BCL2: variants seen among roughly 807,000 people sequenced by gnomAD.
The protein encoded by BCL2 is apoptosis regulator Bcl-2.
In BCL2, 1 loss-of-function variant was observed where a neutral mutation model predicts 14.2. The observed-to-expected ratio is 0.07, with a 90% CI of 0.02 to 0.33. BCL2 has a LOEUF of 0.33. BCL2 is among the 10% of genes least tolerant of loss of function. The pLI, the probability that BCL2 is intolerant of heterozygous loss-of-function variation, is 0.99. For missense variants in BCL2, 247 were observed against 305.9 expected, an observed-to-expected ratio of 0.81 and a Z score of 1.44; for synonymous variants, 151 against 137.2, an observed-to-expected ratio of 1.10 and a Z score of -0.70.
intron 2 of BCL2, among the ~76,000 whole-genome samples, chr18:63,305,183 A>G (rs934992104): frequency 6.6e-6 from 1 of 152,262 alleles, no homozygotes; most frequent in African/African-American, 2.4e-5. Context: ...AAGAAGGGAA[A>G]GTAACCAGAA....
chr18:63,313,716 C>T (rs1599308132), intron 2 of BCL2: 3 of 152,310 alleles, frequency 2.0e-5, no homozygotes, highest in East Asian at 1.9e-4. Flanking sequence ...ACATGCAGCA[C>T]CCACACACTC....
intron 2 of BCL2, among the ~76,000 whole-genome samples, chr18:63,246,244 C>T (rs984116059): frequency 3.3e-5 from 5 of 152,144 alleles, no homozygotes; most frequent in African/African-American, 1.2e-4. Context: ...TTTGTTCTTC[C>T]TTCTGTCTCC....
intron 2 of BCL2, among the ~76,000 whole-genome samples, chr18:63,262,076 A>G (rs1338574273): frequency 1.7e-5 from 2 of 119,552 alleles, no homozygotes; most frequent in Non-Finnish European, 3.9e-5. Context: ...CACTGCGCCC[A>G]GCCAATTTTT....
chr18:63,185,379 G>T (rs1163500194), intron 2 of BCL2, among the ~76,000 whole-genome samples: 4 of 152,212 alleles, frequency 2.6e-5, no homozygotes, highest in African/African-American at 7.2e-5. Flanking sequence ...GGTGAGTGGG[G>T]TAGGAACAAA....
intron 2 of BCL2, among the ~76,000 whole-genome samples, chr18:63,228,410 C>T (rs1910604103): frequency 1.3e-5 from 2 of 152,298 alleles, no homozygotes; most frequent in South Asian, 2.1e-4. Flanking sequence ...TGATATAGAA[C>T]AGCATAACTT....
At chr18:63,313,026 C>A (rs1452583484) in intron 2 of BCL2, among the ~76,000 whole-genome samples, 2 of 152,204 alleles carry the variant, frequency 1.3e-5, no homozygotes, top group African/African-American at 4.8e-5. Context: ...CTAATGCACA[C>A]ATGAACAGCC....
intron 2 of BCL2, among the ~76,000 whole-genome samples, chr18:63,231,513 G>T (rs1171140991): frequency 6.6e-6 from 1 of 151,992 alleles, no homozygotes; most frequent in Non-Finnish European, 1.5e-5. Flanking sequence ...GGACGCTGGA[G>T]ACAAGATTAA....
At chr18:63,180,113 C>T (rs1299267261) in intron 2 of BCL2, among the ~76,000 whole-genome samples, 1 of 152,206 alleles carries the variant, frequency 6.6e-6, no homozygotes, top group East Asian at 1.9e-4. Flanking sequence ...CGGCATCATT[C>T]CTTCTTCCCT....
chr18:63,291,019 T>C (rs539343996), intron 2 of BCL2, among the ~76,000 whole-genome samples: 1 of 152,158 alleles, frequency 6.6e-6, no homozygotes, highest in African/African-American at 2.4e-5. Context: ...CAAACCTTCC[T>C]ACCTTAGCAT....
intron 2 of BCL2, among the ~76,000 whole-genome samples, chr18:63,277,800 C>T (rs1568255597): frequency 6.6e-6 from 1 of 152,000 alleles, no homozygotes; most frequent in African/African-American, 2.4e-5. Context: ...GAGAAAATGG[C>T]CAATGAAAAG....
At chr18:63,188,516 T>C (rs1251977450) in intron 2 of BCL2, among the ~76,000 whole-genome samples, 6 of 152,184 alleles carry the variant, frequency 3.9e-5, no homozygotes, top group African/African-American at 1.4e-4. Context: ...GACCCTAAAC[T>C]GAATTGGAGT....
At chr18:63,132,197 G>T (rs1445596144) in intron 2 of BCL2, among the ~76,000 whole-genome samples, 1 of 152,168 alleles carries the variant, frequency 6.6e-6, no homozygotes, top group Non-Finnish European at 1.5e-5. Flanking sequence ...ATAACCTTCA[G>T]CAGATAACCC....
rs117640948 is a variant in BCL2, at chr18:63,126,288, C to T, written c.*2337G>A. ...TAAGCACCACTGCATTTCAGGAAGACCCTGAAGGACAGCCATGAGAAAGCC... is the reference window on the plus strand; with the variant it reads ...TAAGCACCACTGCATTTCAGGAAGATCCTGAAGGACAGCCATGAGAAAGCC... On this transcript the variant is annotated 3_prime_UTR_variant, in exon 3 of 3. Transcript: ENST00000333681. 5.2e-3 allele frequency: 1,152 copies of T among 221,480 alleles called. 7 individuals are homozygous for T. Among genetic ancestry groups the T allele is most frequent in the Admixed American group, 0.011 (185 of 17,368 alleles). 13.7% of individuals were successfully genotyped at this position (221,480 alleles called of 1,614,324 possible). A position where few individuals can be genotyped will look rare whatever the true frequency, so the allele number is the denominator to read the frequency against.
chr18:63,130,997 G>C (rs1364490296), intron 2 of BCL2, among the ~76,000 whole-genome samples: 1 of 152,044 alleles, frequency 6.6e-6, no homozygotes, highest in Non-Finnish European at 1.5e-5. Flanking sequence ...GGCAATGTTT[G>C]GAAGCATTTT....
chr18:63,305,557 A>AT (rs201938182), intron 2 of BCL2, among the ~76,000 whole-genome samples: 60 of 151,728 alleles, frequency 4.0e-4, no homozygotes, highest in African/African-American at 1.4e-3. Context: ...CAGATATGGA[A>AT]TTTTTTTTTA....
Position 63,318,180 on chromosome 18 carries a change from T to C in BCL2, c.487A>G (p.Asn163Asp). 1 of 1,614,154 alleles carries C rather than the reference T, an allele frequency of 6.2e-7. No homozygotes were observed. Reference sequence around the variant, plus strand: ...TCCACCAGGGGCGACATCTCCCGGTTGACGCTCTCCACACACATGACCCCA... The same window carrying C: ...TCCACCAGGGGCGACATCTCCCGGTCGACGCTCTCCACACACATGACCCCA... Reference protein sequence around the residue: ...FGGVMCVESVNREMSPLVDNI... With the variant: ...FGGVMCVESVDREMSPLVDNI... The change falls in exon 2 of 3, where the codon AAC becomes GAC. Residue 163 changes from asparagine to aspartate, a missense_variant. By Grantham distance (23) the Asn-to-Asp change is conservative (BLOSUM62 1). Transcript: ENST00000333681. The surrounding 1 kb of genome is among the most constrained non-coding windows in gnomAD (Gnocchi z 7.4).
intron 2 of BCL2, among the ~76,000 whole-genome samples, chr18:63,259,179 C>A (rs1035973581): frequency 9.9e-5 from 15 of 152,248 alleles, no homozygotes; most frequent in Admixed American, 9.2e-4. Flanking sequence ...TTGAGCCCTG[C>A]AGCCTGTAAT....
chr18:63,297,562 G>C (rs1912835293), intron 2 of BCL2, among the ~76,000 whole-genome samples: 1 of 152,206 alleles, frequency 6.6e-6, no homozygotes, highest in Non-Finnish European at 1.5e-5. Context: ...CCTTTTCTCA[G>C]TGCCTAGCAC....
At chr18:63,201,833 T>TG (rs980505470) in intron 2 of BCL2, among the ~76,000 whole-genome samples, 64 of 149,706 alleles carry the variant, frequency 4.3e-4, no homozygotes, top group South Asian at 2.1e-4. Flanking sequence ...TGTTAGGGGG[T>TG]GGGGGTCTAG....
Sources: allele counts gnomAD v4.1 joint callset (sites outside exome capture counted in the v4.1 genomes callset), GRCh38; gene constraint gnomAD v4.1.1; non-coding constraint Gnocchi (gnomAD v3.1); transcripts MANE v1.5; gene names NCBI Gene and HGNC (gene_info 2026-07-23, HGNC 2026-07-21).